CAPN2: variants seen among roughly 807,000 people sequenced by gnomAD.
CAPN2 encodes calpain 2, also known as calpain-2 catalytic subunit.
In CAPN2, 92 loss-of-function variants were observed where a neutral mutation model predicts 102.3. The observed-to-expected ratio is 0.90, with a 90% CI of 0.76 to 1.07. The LOEUF (loss-of-function observed/expected upper bound fraction) is 1.07. Ranked by LOEUF, CAPN2 falls within the 50% of genes least tolerant of loss-of-function variation. The pLI is 0.00. For missense variants in CAPN2, 800 were observed against 909.4 expected (o/e 0.88, Z 1.55); for synonymous variants, 340 against 355.4 (o/e 0.96, Z 0.49).
intron 11 of CAPN2, chr1:223,758,771 C>T (rs760602980): frequency 1.1e-5 from 2 of 186,134 alleles, no homozygotes; most frequent in East Asian, 1.3e-4. Context: ...AGCTCACTGC[C>T]GTCCTTGAAC....
Position 223,764,328 on chromosome 1 carries a change from T to C in CAPN2, c.1690+121T>C. ...GACTAAACCACCACCCTCCATCCCCTCCAAGAAGTGGATGAAGGATTTGTA... is the reference window on the plus strand; with the variant it reads ...GACTAAACCACCACCCTCCATCCCCCCCAAGAAGTGGATGAAGGATTTGTA... On this transcript the variant is annotated intron_variant, in intron 15 of 20. Coordinates refer to ENST00000295006, the MANE Select transcript of CAPN2 (RefSeq NM_001748.5). 3 of 782,202 alleles carry C rather than the reference T, an allele frequency of 3.8e-6. No homozygotes were observed. The Middle Eastern group carries it at 7.2e-4, about 187-fold the overall frequency. The allele number at this position is 782,202 out of a possible 1,614,324, so 48.5% of individuals were successfully genotyped here. A position where few individuals can be genotyped will look rare whatever the true frequency, so the allele number is the denominator to read the frequency against.
rs764721457 is a variant in CAPN2, at chr1:223,770,481, G to A, written c.1859G>A (p.Gly620Asp). The A allele has an allele frequency of 6.2e-7, 1 of 1,613,736 alleles. No homozygotes were observed. The highest frequency in any genetic ancestry group is 1.7e-5 in the Admixed American group (1 of 59,978). ...IYREIDVDRS[G>D]TMNSYEMRKA... ...CGAGAAATCGACGTTGACAGGTCTG[G>A]TACCATGAATTCCTATGAAATGCGG... Residue 620 changes from glycine (G) to aspartate (D), a missense_variant, in exon 18 of 21, where the codon GGT becomes GAT. Physicochemically the swap from Gly to Asp is moderately conservative, Grantham distance 94. Transcript: ENST00000295006.
At chr1:223,766,467 G>A (rs1661334132) in intron 16 of CAPN2, 36 bp downstream of exon 16, 8 of 1,497,536 alleles carry the variant, frequency 5.3e-6, no homozygotes, top group Non-Finnish European at 7.4e-6. Context: ...TAGAGACTGG[G>A]GGAGTTTAAA....
rs142517115 is a variant in CAPN2, at chr1:223,735,070, C to T, written c.308-9030C>T. ...TTTGGGGTTCCAGGTCTCTAAAGCC[C>T]ATCCATGGAACCCCGGTTTCCCTTC... On this transcript the variant is annotated intron_variant, in intron 2 of 20. Transcript: ENST00000295006. 1.6e-4 allele frequency among the ~76,000 whole-genome samples: 25 copies of T among 152,302 alleles called. No individual in the cohort carries two copies. The East Asian group carries it at 4.2e-3, about 26-fold the overall frequency.
Position 223,727,914 on chromosome 1 carries a change from A to G in CAPN2, c.307+10083A>G, listed in dbSNP as rs28370040. ...TTCCAAACCACACATCAGCAGGGAG[A>G]CAGTGGGAACATCTCAGGTCCAGGG... On this transcript the variant is annotated intron_variant, in intron 2 of 20. Transcript: ENST00000295006. This position sits in a 1 kb window ranked among gnomAD's most constrained non-coding sequence, Gnocchi z 4.1. 0.021 allele frequency among the ~76,000 whole-genome samples: 3,124 copies of G among 152,082 alleles called. 99 individuals are homozygous for G. The highest frequency in any genetic ancestry group is 0.071 in the African/African-American group (2,956 of 41,436).
At chr1:223,704,843 A>G (rs1003334818) in intron 1 of CAPN2, among the ~76,000 whole-genome samples, 1 of 152,242 alleles carries the variant, frequency 6.6e-6, no homozygotes, top group Non-Finnish European at 1.5e-5. Flanking sequence ...CTAGACTGTC[A>G]TTAAACAAAT....
chr1:223,706,540 C>G (rs918679866), intron 1 of CAPN2, among the ~76,000 whole-genome samples: 2 of 152,268 alleles, frequency 1.3e-5, no homozygotes, highest in East Asian at 3.9e-4. Context: ...CCCTCCTACA[C>G]TGGGTATGGA....
chr1:223,755,427 C>A lies in CAPN2; in HGVS notation c.1136-53C>A, dbSNP rs1661007863. On this transcript the variant is annotated intron_variant, in intron 9 of 20. Coordinates refer to ENST00000295006, the MANE Select transcript of CAPN2 (RefSeq NM_001748.5). The surrounding 1 kb of genome is among the most constrained non-coding windows in gnomAD (Gnocchi z 4.1). Reference sequence around the variant, plus strand: ...AGCCTGAGACCAGGGCCACCCCCCACCCCCATGCATTCCTGCTCAGGGCTG... The same window carrying A: ...AGCCTGAGACCAGGGCCACCCCCCAACCCCATGCATTCCTGCTCAGGGCTG... The A allele has an allele frequency of 1.3e-6, 2 of 1,590,458 alleles. No homozygotes were observed. The highest frequency in any genetic ancestry group is 1.7e-6 in the Non-Finnish European group (2 of 1,162,134).
intron 19 of CAPN2, 40 bp from the exon 20 acceptor site, chr1:223,772,141 G>C (rs761974387): frequency 1.5e-5 from 23 of 1,580,800 alleles, no homozygotes; most frequent in Non-Finnish European, 1.8e-5. Flanking sequence ...ATCTGTTTCA[G>C]CTCACTCACT....
chr1:223,711,901 T>G (rs939171374), upstream of CAPN2, among the ~76,000 whole-genome samples: 2 of 152,200 alleles, frequency 1.3e-5, no homozygotes, highest in African/African-American at 2.4e-5. Context: ...CCAGCCTTAT[T>G]GGCCAAATCT....
chr1:223,724,053 A>G (rs1449451799), intron 2 of CAPN2, among the ~76,000 whole-genome samples: 1 of 151,808 alleles, frequency 6.6e-6, no homozygotes, highest in African/African-American at 2.4e-5. Context: ...TAGTTGTCTT[A>G]TCTTGTCTCT....
intron 2 of CAPN2, among the ~76,000 whole-genome samples, chr1:223,729,738 C>T (rs1445810185): frequency 6.6e-6 from 1 of 152,108 alleles, no homozygotes; most frequent in African/African-American, 2.4e-5. Flanking sequence ...TGCGGTGGCT[C>T]ACACCTGTAA....
chr1:223,764,400 G>A (rs973565614), intron 15 of CAPN2, among the ~76,000 whole-genome samples, 193 bp downstream of exon 15: 1 of 152,178 alleles, frequency 6.6e-6, no homozygotes, highest in African/African-American at 2.4e-5. Context: ...ACAGATCAAA[G>A]ATCAAATCCA....
chr1:223,749,686 G>A (rs1004317577), intron 6 of CAPN2, among the ~76,000 whole-genome samples: 5 of 152,200 alleles, frequency 3.3e-5, no homozygotes, highest in Non-Finnish European at 7.3e-5. Context: ...ATATAAGGAG[G>A]TAGCTGTCCT....
intron 2 of CAPN2, among the ~76,000 whole-genome samples, chr1:223,718,116 C>A (rs980853764): frequency 6.6e-6 from 1 of 152,196 alleles, no homozygotes; most frequent in Non-Finnish European, 1.5e-5. Context: ...ATGTCAGCCA[C>A]CCCTTGGTAT....
chr1:223,705,622 AT>A (rs767836977), intron 1 of CAPN2, among the ~76,000 whole-genome samples: 3 of 152,180 alleles, frequency 2.0e-5, no homozygotes, highest in Non-Finnish European at 4.4e-5. Flanking sequence ...GCTGATGGGA[AT>A]TATGGACGGG....
intron 1 of CAPN2, among the ~76,000 whole-genome samples, chr1:223,703,104 C>A (rs1441750127): frequency 6.6e-6 from 1 of 152,184 alleles, no homozygotes; most frequent in East Asian, 1.9e-4. Context: ...GCTCTGCAAA[C>A]CACATTGCCC....
At chr1:223,716,736 A>G (rs557624005) in intron 1 of CAPN2, among the ~76,000 whole-genome samples, 1 of 152,028 alleles carries the variant, frequency 6.6e-6, no homozygotes, top group East Asian at 1.9e-4. Context: ...TTGTGCCCCA[A>G]CTTCCTCTGT....
At chr1:223,748,948 G>A (rs1243025962) in intron 5 of CAPN2, 91 bp from the exon 6 acceptor site, 14 of 1,215,826 alleles carry the variant, frequency 1.2e-5, no homozygotes, top group African/African-American at 1.5e-5. Context: ...TGCGTCCGGC[G>A]GTCCCGCCCG....
Sources: gnomAD v4.1 joint callset for allele counts (sites outside exome capture counted in the v4.1 genomes callset) on GRCh38, gnomAD v4.1.1 for gene constraint, Gnocchi (gnomAD v3.1) non-coding constraint, MANE v1.5 for transcripts, NCBI Gene and HGNC (gene_info 2026-07-23, HGNC 2026-07-21) for gene names.